Variants in ARHGAP42 observed in about 807,000 individuals in gnomAD.
ARHGAP42 encodes rho GTPase-activating protein 42.
In ARHGAP42, 63 loss-of-function variants were observed where a neutral mutation model predicts 125.0. That is an observed-to-expected ratio of 0.50 (90% CI 0.41 to 0.62). The LOEUF (loss-of-function observed/expected upper bound fraction) is 0.62. Among genes scored for constraint, ARHGAP42 ranks in the 20% least tolerant of loss-of-function variants. ARHGAP42 has a pLI of 0.00. For missense variants in ARHGAP42, 766 were observed against 1,024.2 expected (o/e 0.75, Z 3.44); for synonymous variants, 339 against 351.0 (o/e 0.97, Z 0.38).
chr11:100,824,979 A>C (rs561073920), intron 3 of ARHGAP42, among the ~76,000 whole-genome samples: 4 of 152,342 alleles, frequency 2.6e-5, no homozygotes, highest in African/African-American at 9.6e-5. Flanking sequence ...TAAACAAATT[A>C]ATAGACAAAG....
intron 4 of ARHGAP42, among the ~76,000 whole-genome samples, chr11:100,886,850 T>A (rs1319982608): frequency 6.6e-6 from 1 of 152,214 alleles, no homozygotes; most frequent in East Asian, 1.9e-4. Flanking sequence ...TTAGACTTTA[T>A]GTTGACCCTC....
intron 1 of ARHGAP42, among the ~76,000 whole-genome samples, chr11:100,690,042 G>C (rs1255774016): frequency 1.3e-5 from 2 of 152,130 alleles, no homozygotes; most frequent in Non-Finnish European, 2.9e-5. Context: ...CATGTCCCCT[G>C]GCATAGCTGG....
At chr11:100,796,367 A>G (rs1674656200) in intron 3 of ARHGAP42, among the ~76,000 whole-genome samples, 1 of 152,192 alleles carries the variant, frequency 6.6e-6, no homozygotes, top group Admixed American at 6.5e-5. Context: ...TCCTGTCCTC[A>G]GATCTCTCTA....
rs1862626599 is a variant in ARHGAP42 at position 100,758,518 on chromosome 11, T to G, written c.155-11825T>G. On this transcript the variant is annotated intron_variant, in intron 1 of 23. Transcript: ENST00000298815. ...TTTTGTTGTCACTGTAGTTTTTTCC[T>G]TGACTGGCAGGCACTGTGGCTGCAT... is the stretch of plus-strand genomic sequence containing the variant. Among the ~76,000 whole-genome samples, 3 of 152,352 alleles carry G rather than the reference T, an allele frequency of 2.0e-5. No homozygotes were observed. The South Asian group carries it at 6.2e-4, about 32-fold the overall frequency.
At chr11:100,726,893 C>T (rs1301625038) in intron 1 of ARHGAP42, among the ~76,000 whole-genome samples, 1 of 152,166 alleles carries the variant, frequency 6.6e-6, no homozygotes. Flanking sequence ...ATTCATCTAA[C>T]CTTGCTCAAT....
intron 4 of ARHGAP42, among the ~76,000 whole-genome samples, chr11:100,883,390 G>A (rs1286146499): frequency 6.6e-6 from 1 of 152,098 alleles, no homozygotes; most frequent in African/African-American, 2.4e-5. Flanking sequence ...GCCCAGGCTG[G>A]AGTGCAGTGG....
intron 12 of ARHGAP42, among the ~76,000 whole-genome samples, chr11:100,951,276 C>T (rs572256253): frequency 2.6e-5 from 4 of 151,884 alleles, no homozygotes; most frequent in Non-Finnish European, 5.9e-5. Flanking sequence ...TTTTTATTCT[C>T]ACATTTACTT....
At chr11:100,885,936 G>T (rs548732042) in intron 4 of ARHGAP42, among the ~76,000 whole-genome samples, 90 of 152,280 alleles carry the variant, frequency 5.9e-4, no homozygotes, top group Middle Eastern at 3.4e-3. Flanking sequence ...CTGTTTCCCC[G>T]TAATTGCATT....
intron 4 of ARHGAP42, among the ~76,000 whole-genome samples, chr11:100,878,493 A>G (rs1865876329): frequency 6.6e-6 from 1 of 152,172 alleles, no homozygotes; most frequent in South Asian, 2.1e-4. Context: ...TTCCTCAGCA[A>G]TTGTTTTCTC....
intron 3 of ARHGAP42, among the ~76,000 whole-genome samples, chr11:100,827,590 CA>C (rs1864553186): frequency 6.6e-6 from 1 of 152,168 alleles, no homozygotes; most frequent in Non-Finnish European, 1.5e-5. Flanking sequence ...TGGGAAACCT[CA>C]TCAGTATGAG....
intron 10 of ARHGAP42, among the ~76,000 whole-genome samples, chr11:100,946,589 A>AAT (rs1868025420): frequency 6.6e-6 from 1 of 152,010 alleles, no homozygotes; most frequent in Non-Finnish European, 1.5e-5. Context: ...TATCTCAGGG[A>AAT]ATAGGGAAGC....
chr11:100,869,724 T>C (rs12361074), intron 4 of ARHGAP42, among the ~76,000 whole-genome samples: 6,261 of 152,286 alleles, frequency 0.041, 188 homozygotes, highest in Middle Eastern at 0.092. Context: ...ATTAAATGTA[T>C]GCATACCTCC....
chr11:100,824,643 G>A (rs1864474501), intron 3 of ARHGAP42, among the ~76,000 whole-genome samples: 1 of 152,154 alleles, frequency 6.6e-6, no homozygotes, highest in Non-Finnish European at 1.5e-5. Flanking sequence ...TAGGGCTCTA[G>A]CGGAGACTCT....
In ARHGAP42 at chr11:100,705,016, A is replaced by AAC. The variant is rs1565535089; in HGVS notation, c.154+17185_154+17186insCA. ...CAAACCCCAACAACAACAACAACAA[A>AAC]AAAAAAAAAAAAAAAAAGAGAGAAG... is the stretch of plus-strand genomic sequence containing the variant. On this transcript the variant is annotated intron_variant, in intron 1 of 23. Coordinates refer to ENST00000298815, the MANE Select transcript of ARHGAP42 (RefSeq NM_152432.4). 4.5e-5 allele frequency among the ~76,000 whole-genome samples: 3 copies of AAC among 66,168 alleles called. No homozygotes were observed. In the East Asian group the frequency reaches 1.5e-3, roughly 34 times the overall value. 43.4% of individuals were successfully genotyped at this position (66,168 alleles called of 152,430 possible).
Position 100,828,260 on chromosome 11 carries a change from A to T in ARHGAP42, c.313-31294A>T, listed in dbSNP as rs901321783. On this transcript the variant is annotated intron_variant, in intron 3 of 23. Transcript: ENST00000298815. Reference sequence around the variant, plus strand: ...CCTTTAGAAGGATTTTCCCCAGTTTAAAAAAAAAAATCCTTAGTGTTTTGC... The same window carrying T: ...CCTTTAGAAGGATTTTCCCCAGTTTTAAAAAAAAAATCCTTAGTGTTTTGC... Among the ~76,000 whole-genome samples the T allele has an allele frequency of 2.0e-4, 18 of 89,146 alleles. No homozygotes were observed. In the Admixed American group the frequency reaches 2.2e-3, roughly 11 times the overall value. 58.5% of individuals were successfully genotyped at this position (89,146 alleles called of 152,430 possible). A position where few individuals can be genotyped will look rare whatever the true frequency, so the allele number is the denominator to read the frequency against.
intron 1 of ARHGAP42, among the ~76,000 whole-genome samples, chr11:100,735,602 C>CTTTTTTTTTTTTTTTTT (rs58522622): frequency 1.4e-5 from 1 of 73,048 alleles, no homozygotes; most frequent in Non-Finnish European, 2.4e-5. Context: ...TTTACTTGTA[C>CTTTTTTTTTTTTTTTTT]TTTTTTTTTT....
intron 4 of ARHGAP42, among the ~76,000 whole-genome samples, chr11:100,871,805 A>C (rs752396980): frequency 3.9e-5 from 6 of 152,072 alleles, no homozygotes; most frequent in Non-Finnish European, 7.4e-5. Context: ...GTGCAATGGC[A>C]CGATCTTGGC....
intron 5 of ARHGAP42, among the ~76,000 whole-genome samples, chr11:100,916,933 A>G (rs1474199200): frequency 6.6e-6 from 1 of 152,160 alleles, no homozygotes; most frequent in Non-Finnish European, 1.5e-5. Flanking sequence ...AGACATTGAG[A>G]AATATTCATA....
chr11:100,916,099 G>C (rs1192608916), intron 5 of ARHGAP42, among the ~76,000 whole-genome samples: 1 of 152,152 alleles, frequency 6.6e-6, no homozygotes, highest in Non-Finnish European at 1.5e-5. Flanking sequence ...TTCCAGGACT[G>C]AATTGAAGGG....
Sources: gnomAD v4.1 joint callset for allele counts (sites outside exome capture counted in the v4.1 genomes callset) on GRCh38, gnomAD v4.1.1 for gene constraint, MANE v1.5 for transcripts, NCBI Gene and HGNC (gene_info 2026-07-23, HGNC 2026-07-21) for gene names.